The following NPLOC4 variants were observed in gnomAD, a reference collection of about 807,000 sequenced individuals.
The protein encoded by NPLOC4 is NPL4 homolog, ubiquitin recognition factor.
NPLOC4 carries 18 observed loss-of-function variants against 80.6 expected under a neutral mutation model. The ratio of observed to expected loss-of-function variants is 0.22; its 90% CI spans 0.15 to 0.33. The LOEUF (loss-of-function observed/expected upper bound fraction) is 0.33. NPLOC4 is among the 10% of genes least tolerant of loss of function. NPLOC4 has a pLI of 1.00. For synonymous variants in NPLOC4, 313 were observed against 301.5 expected (o/e 1.04, Z -0.39); for missense variants, 540 against 786.1 (o/e 0.69, Z 3.74).
chr17:81,623,400 G>A (rs1006347197), intron 2 of NPLOC4, among the ~76,000 whole-genome samples: 50 of 148,538 alleles, frequency 3.4e-4, no homozygotes, highest in Non-Finnish European at 6.5e-4. Flanking sequence ...GGGAGGTAGA[G>A]GCTGCAGTGA....
At position 81,577,532 on chromosome 17, in the gene NPLOC4, T is replaced by A. The variant is rs2034334300; in HGVS notation, c.1282-5444A>T. ...GCTCAACGCACTCTTCTCTTCTCCC[T>A]CTGAACCACGGCTTGGCTCATCTAC... On this transcript the variant is annotated intron_variant, in intron 12 of 16. Coordinates refer to ENST00000331134, the MANE Select transcript of NPLOC4 (RefSeq NM_017921.4). The surrounding 1 kb of genome is among the most constrained non-coding windows in gnomAD (Gnocchi z 4.3). Among the ~76,000 whole-genome samples, 1 of 152,150 alleles carries A rather than the reference T, an allele frequency of 6.6e-6. No individual in the cohort carries two copies. The highest frequency in any genetic ancestry group is 6.5e-5 in the Admixed American group (1 of 15,272).
At chr17:81,581,120 C>T (rs532467316) in intron 12 of NPLOC4, among the ~76,000 whole-genome samples, 11 of 152,156 alleles carry the variant, frequency 7.2e-5, no homozygotes, top group East Asian at 1.9e-4. Flanking sequence ...GAGGCCAAGG[C>T]GGGTGGATGA....
rs2034416754 is a variant in NPLOC4 at position 81,580,769 on chromosome 17, T to C, written c.1281+8175A>G. Among the ~76,000 whole-genome samples the C allele has an allele frequency of 6.6e-6, 1 of 152,206 alleles. No individual in the cohort carries two copies. Among genetic ancestry groups the C allele is most frequent in the Non-Finnish European group, 1.5e-5 (1 of 68,038 alleles). ...TCCATTCTCCATGAACTCCAGGGCCTGGCAATTCACAGGTGTTCTCTAAAC... is the reference window on the plus strand; with the variant it reads ...TCCATTCTCCATGAACTCCAGGGCCCGGCAATTCACAGGTGTTCTCTAAAC... On this transcript the variant is annotated intron_variant, in intron 12 of 16. Coordinates refer to ENST00000331134, the MANE Select transcript of NPLOC4 (RefSeq NM_017921.4). The surrounding 1 kb of genome is among the most constrained non-coding windows in gnomAD (Gnocchi z 4.4).
At chr17:81,631,032 G>A (rs2035913962) in intron 1 of NPLOC4, among the ~76,000 whole-genome samples, 2 of 151,812 alleles carry the variant, frequency 1.3e-5, no homozygotes, top group Admixed American at 1.3e-4. Context: ...AATTAGCTGG[G>A]CGTGGTGGCG....
rs557918045 is a variant in NPLOC4 at position 81,622,258 on chromosome 17, G to A, written c.117C>T (p.Phe39=). 6.2e-7 allele frequency: 1 copy of A among 1,613,692 alleles called. No individual in the cohort carries two copies. The highest frequency in any genetic ancestry group is 1.1e-5 in the South Asian group (1 of 91,068). ...TGTAAACCGAGAAGCCATTATTTTGGAAGCCAAACTCCTTTGCAACCTAAA... is the reference window on the plus strand; with the variant it reads ...TGTAAACCGAGAAGCCATTATTTTGAAAGCCAAACTCCTTTGCAACCTAAA... The part of the protein sequence containing the change: ...FLKKVAKEFG[F]QNNGFSVYIN... Residue 39 remains phenylalanine (F), a synonymous_variant, in exon 3 of 17, where the codon TTC becomes TTT. Transcript: ENST00000331134.
chr17:81,585,669 G>T (rs113010177), intron 12 of NPLOC4, among the ~76,000 whole-genome samples: 1 of 144,976 alleles, frequency 6.9e-6, no homozygotes, highest in African/African-American at 2.6e-5. Context: ...TCTGGGGGGG[G>T]GGGGAAAGAA....
chr17:81,633,127 C>A (rs377206783), intron 1 of NPLOC4, among the ~76,000 whole-genome samples: 789 of 105,368 alleles, frequency 7.5e-3, no homozygotes, highest in South Asian at 8.5e-3. Context: ...GACTCCGTCT[C>A]AAAAAAAAAA....
intron 8 of NPLOC4, among the ~76,000 whole-genome samples, chr17:81,603,990 T>C (rs1468431688): frequency 6.6e-6 from 1 of 152,204 alleles, no homozygotes; most frequent in African/African-American, 2.4e-5. Context: ...GGCATAATCA[T>C]ACCGAGAGGG....
intron 3 of NPLOC4, among the ~76,000 whole-genome samples, chr17:81,621,403 C>A (rs1230588715): frequency 6.6e-6 from 1 of 152,204 alleles, no homozygotes; most frequent in Non-Finnish European, 1.5e-5. Context: ...AACAGGCTCA[C>A]AGCCAACTGC....
intron 4 of NPLOC4, among the ~76,000 whole-genome samples, 198 bp from the exon 5 acceptor site, chr17:81,610,456 C>A (rs2144242283): frequency 6.6e-6 from 1 of 152,238 alleles, no homozygotes; most frequent in South Asian, 2.1e-4. Flanking sequence ...ACTCTATCGC[C>A]CAGGCTGGAG....
chr17:81,593,706 C>T (rs1202670334), intron 11 of NPLOC4, among the ~76,000 whole-genome samples: 3 of 151,734 alleles, frequency 2.0e-5, no homozygotes, highest in Non-Finnish European at 2.9e-5. Context: ...AAGAGTATGA[C>T]GACACTTTTC....
chr17:81,597,223 C>T lies in NPLOC4; in HGVS notation c.993+22G>A, dbSNP rs2034933112. 2.5e-6 allele frequency: 4 copies of T among 1,604,002 alleles called. No homozygotes were observed. The East Asian group carries it at 8.9e-5, about 36-fold the overall frequency. ...TGTAACCAAGCCATAGGGCCACACGCACAGTCCTGTCTCCACCTCACCTTA... is the reference window on the plus strand; with the variant it reads ...TGTAACCAAGCCATAGGGCCACACGTACAGTCCTGTCTCCACCTCACCTTA... On this transcript the variant is annotated intron_variant, in intron 10 of 16. Coordinates refer to ENST00000331134, the MANE Select transcript of NPLOC4 (RefSeq NM_017921.4).
At chr17:81,564,038 G>T in intron 16 of NPLOC4, 1 of 406,882 alleles carries the variant, frequency 2.5e-6, no homozygotes, top group Non-Finnish European at 5.0e-6. Context: ...CTAAGATTGC[G>T]CCACTGCACT....
At position 81,621,794 on chromosome 17, in the gene NPLOC4, A is replaced by C. The variant is rs545934809; in HGVS notation, c.209+372T>G. On this transcript the variant is annotated intron_variant, in intron 3 of 16. Coordinates refer to ENST00000331134, the MANE Select transcript of NPLOC4 (RefSeq NM_017921.4). ...GGGTGGCATGGGCCACTGCAGTGGC[A>C]GCACTCCTACCCAAGCCAGCAGGGC... Among the ~76,000 whole-genome samples the C allele has an allele frequency of 5.9e-5, 9 of 152,310 alleles. No individual in the cohort carries two copies. In the East Asian group the frequency reaches 1.2e-3, roughly 20 times the overall value.
Position 81,572,355 on chromosome 17 carries a change from A to T in NPLOC4, c.1282-267T>A, listed in dbSNP as rs1568122182. ...AGGCGCCCGCCACCACGCCCGGCTAATTTTTTTTGTATTTTTTAGTAGAGA... is the reference window on the plus strand; with the variant it reads ...AGGCGCCCGCCACCACGCCCGGCTATTTTTTTTTGTATTTTTTAGTAGAGA... On this transcript the variant is annotated intron_variant, in intron 12 of 16. Coordinates refer to ENST00000331134, the MANE Select transcript of NPLOC4 (RefSeq NM_017921.4). The surrounding 1 kb of genome is among the most constrained non-coding windows in gnomAD (Gnocchi z 4.5). Among the ~76,000 whole-genome samples the T allele has an allele frequency of 6.6e-6, 1 of 150,724 alleles. No homozygotes were observed. Among genetic ancestry groups the T allele is most frequent in the Admixed American group, 6.6e-5 (1 of 15,136 alleles).
Position 81,559,253 on chromosome 17 carries a change from G to C in NPLOC4, c.*6C>G. The C allele has an allele frequency of 6.3e-7, 1 of 1,596,802 alleles. No individual in the cohort carries two copies. The highest frequency in any genetic ancestry group is 8.5e-7 in the Non-Finnish European group (1 of 1,172,732). On this transcript the variant is annotated 3_prime_UTR_variant, in exon 17 of 17. Coordinates refer to ENST00000331134, the MANE Select transcript of NPLOC4 (RefSeq NM_017921.4). ...GCCCGGTCCTAGCCAGCAGAGGGCAGGCGCCCTAGGTCCTGGGGAGGCTGC... is the reference window on the plus strand; with the variant it reads ...GCCCGGTCCTAGCCAGCAGAGGGCACGCGCCCTAGGTCCTGGGGAGGCTGC...
intron 16 of NPLOC4, among the ~76,000 whole-genome samples, chr17:81,561,292 C>T (rs1303750622): frequency 1.3e-5 from 2 of 152,108 alleles, no homozygotes; most frequent in African/African-American, 4.8e-5. Flanking sequence ...ACCCTCCGCC[C>T]AGCTTCTTCT....
intron 7 of NPLOC4, among the ~76,000 whole-genome samples, chr17:81,605,573 G>A (rs1023533563): frequency 2.6e-5 from 4 of 151,748 alleles, no homozygotes; most frequent in African/African-American, 4.8e-5. Context: ...ACTTGCACCT[G>A]GGAGGCTGAG....
At chr17:81,583,088 A>G (rs1446748819) in intron 12 of NPLOC4, among the ~76,000 whole-genome samples, 1 of 152,284 alleles carries the variant, frequency 6.6e-6, no homozygotes, top group African/African-American at 2.4e-5. Context: ...TCATGGCTGG[A>G]AAGTTATTTT....
Sources: gnomAD v4.1 joint callset for allele counts (sites outside exome capture counted in the v4.1 genomes callset) on GRCh38, gnomAD v4.1.1 for gene constraint, Gnocchi (gnomAD v3.1) non-coding constraint, MANE v1.5 for transcripts, NCBI Gene and HGNC (gene_info 2026-07-23, HGNC 2026-07-21) for gene names.